Variants in ITGA6 observed in about 807,000 individuals in gnomAD.
ITGA6 encodes the protein integrin alpha-6.
In ITGA6, 63 loss-of-function variants were observed where a neutral mutation model predicts 133.6. That is an observed-to-expected ratio of 0.47 (90% CI 0.38 to 0.58). ITGA6 has a LOEUF of 0.58. ITGA6 is among the 20% of genes least tolerant of loss of function. The pLI, the probability that ITGA6 is intolerant of heterozygous loss-of-function variation, is 0.00. For missense variants in ITGA6, 1,068 were observed against 1,309.4 expected (o/e 0.82, Z 2.85); for synonymous variants, 434 against 482.0 (o/e 0.90, Z 1.30).
chr2:172,502,019 C>A, intron 25 of ITGA6, 118 bp downstream of exon 25: 1 of 893,546 alleles, frequency 1.1e-6, no homozygotes, highest in Non-Finnish European at 1.7e-6. Context: ...CAAATGTCCA[C>A]ACTGGCTTGC....
chr2:172,471,969 G>A (rs1029802343), intron 5 of ITGA6, among the ~76,000 whole-genome samples: 7 of 150,510 alleles, frequency 4.7e-5, no homozygotes, highest in East Asian at 3.9e-4. Flanking sequence ...AGTAAAAAAC[G>A]AAAAAACAGG....
At position 172,487,359 on chromosome 2, in the gene ITGA6, C is replaced by G; in HGVS notation, c.2066C>G (p.Thr689Arg). The G allele has an allele frequency of 6.2e-7, 1 of 1,614,062 alleles. No individual in the cohort carries two copies. The highest frequency in any genetic ancestry group is 1.3e-5 in the African/African-American group (1 of 75,050). The change falls in exon 15 of 26, where the codon ACA becomes AGA. Residue 689 changes from threonine to arginine, a missense_variant. Transcript: ENST00000684293. ...AGCCCTTCCAACCCAAGGAATCCCA[C>G]AAAAGATGGCGATGACGCCCATGAG... is the stretch of plus-strand genomic sequence containing the variant. The part of the protein sequence containing the change: ...TNSPSNPRNP[T>R]KDGDDAHEAK...
Position 172,504,479 on chromosome 2 carries a change from A to G in ITGA6, c.*411A>G. On this transcript the variant is annotated 3_prime_UTR_variant, in exon 26 of 26. Coordinates refer to ENST00000684293, the MANE Select transcript of ITGA6 (RefSeq NM_000210.4). ...GAATGGATTTTTCTTTAACTGCCGTAATTTAACTTTCTGGGTTGCCTTTAT... is the reference window on the plus strand; with the variant it reads ...GAATGGATTTTTCTTTAACTGCCGTGATTTAACTTTCTGGGTTGCCTTTAT... 5.1e-6 allele frequency: 2 copies of G among 390,406 alleles called. No homozygotes were observed. The highest frequency in any genetic ancestry group is 9.3e-6 in the Non-Finnish European group (2 of 215,354). The allele number at this position is 390,406 out of a possible 1,614,324, so 24.2% of individuals were successfully genotyped here. A position where few individuals can be genotyped will look rare whatever the true frequency, so the allele number is the denominator to read the frequency against.
chr2:172,490,520 C>T (rs1295844585), intron 20 of ITGA6, among the ~76,000 whole-genome samples: 2 of 152,220 alleles, frequency 1.3e-5, no homozygotes, highest in African/African-American at 4.8e-5. Flanking sequence ...TATTACTAAT[C>T]TTTGCTATAA....
At chr2:172,493,611 A>G (rs1664549832) in intron 23 of ITGA6, among the ~76,000 whole-genome samples, 1 of 152,170 alleles carries the variant, frequency 6.6e-6, no homozygotes, top group African/African-American at 2.4e-5. Context: ...ATATAATTTG[A>G]GACCCTCAAT....
At position 172,484,434 on chromosome 2, in the gene ITGA6, G is replaced by GGAGTGTTGGGTTCTTCTGCTTATCGTTA. The variant is rs1559146643; in HGVS notation, c.1550-335_1550-334insTTCTGCTTATCGTTAGAGTGTTGGGTTC. Among the ~76,000 whole-genome samples the GGAGTGTTGGGTTCTTCTGCTTATCGTTA allele has an allele frequency of 2.0e-5, 3 of 151,624 alleles. No individual in the cohort carries two copies. The East Asian group carries it at 5.8e-4, about 29-fold the overall frequency. On this transcript the variant is annotated intron_variant, in intron 11 of 25. Coordinates refer to ENST00000684293, the MANE Select transcript of ITGA6 (RefSeq NM_000210.4). ...GAGAAAATCAGTTTAGGTGCTCGGG[G>GGAGTGTTGGGTTCTTCTGCTTATCGTTA]GAGTGTTGGGTTCCTCTGCTTATCG...
At chr2:172,488,722 G>C (rs1686795061) in intron 19 of ITGA6, among the ~76,000 whole-genome samples, 1 of 152,176 alleles carries the variant, frequency 6.6e-6, no homozygotes, top group Non-Finnish European at 1.5e-5. Flanking sequence ...CTGTGTGGCT[G>C]AAATCACATT....
At position 172,473,758 on chromosome 2, in the gene ITGA6, T is replaced by C. The variant is rs6714597; in HGVS notation, c.776-297T>C. The stretch of plus-strand genomic sequence containing the variant: ...TTTTACCATAGTTCCAATATTAAAA[T>C]AGGGTGGAAATTGATTCTTAAGATG... On this transcript the variant is annotated intron_variant, in intron 5 of 25. Coordinates refer to ENST00000684293, the MANE Select transcript of ITGA6 (RefSeq NM_000210.4). 0.3 allele frequency among the ~76,000 whole-genome samples: 45,887 copies of C among 152,080 alleles called. 6,998 individuals carry two copies. The highest frequency in any genetic ancestry group is 0.33 in the African/African-American group (13,825 of 41,456).
chr2:172,491,847 C>T lies in ITGA6; in HGVS notation c.2988+324C>T, dbSNP rs1686942793. The stretch of plus-strand genomic sequence containing the variant: ...AATGCTGCAGCCATTGGTGTAATGC[C>T]CCAGTGATGGCCCATCCCTTGGCCA... On this transcript the variant is annotated intron_variant, in intron 23 of 25. Coordinates refer to ENST00000684293, the MANE Select transcript of ITGA6 (RefSeq NM_000210.4). The surrounding 1 kb of genome is among the most constrained non-coding windows in gnomAD (Gnocchi z 4.4). Among the ~76,000 whole-genome samples the T allele has an allele frequency of 6.6e-6, 1 of 152,082 alleles. No individual in the cohort carries two copies. Among genetic ancestry groups the T allele is most frequent in the Non-Finnish European group, 1.5e-5 (1 of 68,026 alleles).
chr2:172,476,417 AT>A lies in ITGA6; in HGVS notation c.1296del (p.Phe432LeufsTer28). ...PTQVLKGISP[Y>X]FGYSIAGNMD... ...CAGGTTCTCAAGGGTATATCACCTT[AT>A]TTTGGATATTCAATTGCTGGAAACA... On this transcript the variant is annotated frameshift_variant, in exon 9 of 26. Coordinates refer to ENST00000684293, the MANE Select transcript of ITGA6 (RefSeq NM_000210.4). LOFTEE classifies it high-confidence loss of function. 1 of 1,606,798 alleles carries A rather than the reference AT, an allele frequency of 6.2e-7. No homozygotes were observed. The highest frequency in any genetic ancestry group is 8.5e-7 in the Non-Finnish European group (1 of 1,173,496).
At chr2:172,466,389 T>C (rs764947758) in intron 2 of ITGA6, among the ~76,000 whole-genome samples, 1 of 152,008 alleles carries the variant, frequency 6.6e-6, no homozygotes, top group Non-Finnish European at 1.5e-5. Flanking sequence ...GGAGGCCGAG[T>C]TGGGTGGATC....
Position 172,506,083 on chromosome 2 carries a change from G to C in ITGA6, c.*2015G>C, listed in dbSNP as rs1033289577. 6.6e-5 allele frequency: 10 copies of C among 152,584 alleles called. No homozygotes were observed. The highest frequency in any genetic ancestry group is 6.5e-4 in the Admixed American group (10 of 15,280). The allele number at this position is 152,584 out of a possible 1,614,324, so 9.5% of individuals were successfully genotyped here. A position where few individuals can be genotyped will look rare whatever the true frequency, so the allele number is the denominator to read the frequency against. ...TCATCTCAAGTCAAGTCACTGGTCT[G>C]TTTGCATTTGATACATTTTTGTACT... On this transcript the variant is annotated 3_prime_UTR_variant, in exon 26 of 26. Coordinates refer to ENST00000684293, the MANE Select transcript of ITGA6 (RefSeq NM_000210.4).
chr2:172,470,905 T>C, intron 4 of ITGA6, 69 bp from the exon 5 acceptor site: 1 of 1,537,110 alleles, frequency 6.5e-7, no homozygotes, highest in South Asian at 1.1e-5. Flanking sequence ...GGGATGTTTA[T>C]TAGGAACCAT....
At chr2:172,428,574 G>T (rs2148986993) in intron 1 of ITGA6, 1 of 151,550 alleles carries the variant, frequency 6.6e-6, no homozygotes, top group East Asian at 1.9e-4. Context: ...ATGGGGGTGG[G>T]GGCGGGAATT....
chr2:172,463,076 T>C (rs1204472996), intron 1 of ITGA6, among the ~76,000 whole-genome samples: 2 of 152,222 alleles, frequency 1.3e-5, no homozygotes, highest in Non-Finnish European at 2.9e-5. Flanking sequence ...TGTGGTTTCA[T>C]GACCTCATGA....
intron 1 of ITGA6, among the ~76,000 whole-genome samples, chr2:172,441,412 C>T (rs3762621): frequency 0.14 from 21,569 of 151,744 alleles, 1,820 homozygotes; most frequent in Non-Finnish European, 0.18. Flanking sequence ...AATCTAAACT[C>T]AGGCATGGTG....
rs1463147681 is a variant in ITGA6, at chr2:172,503,971, T to A, written c.*23-120T>A. 4.5e-6 allele frequency: 3 copies of A among 663,306 alleles called. No individual in the cohort carries two copies. In the African/African-American group the frequency reaches 5.7e-5, roughly 13 times the overall value. The allele number at this position is 663,306 out of a possible 1,614,324, so 41.1% of individuals were successfully genotyped here. A position where few individuals can be genotyped will look rare whatever the true frequency, so the allele number is the denominator to read the frequency against. On this transcript the variant is annotated intron_variant, in intron 25 of 25. Transcript: ENST00000684293. ...GGTTCTTTCTTAAAAGAAAACCATG[T>A]CTTTTTCCCCTTAGTCCAGAGGTAG...
At chr2:172,493,560 T>C (rs1430427003) in intron 23 of ITGA6, among the ~76,000 whole-genome samples, 2 of 151,998 alleles carry the variant, frequency 1.3e-5, no homozygotes, top group African/African-American at 4.8e-5. Flanking sequence ...GGGTAAACAT[T>C]GTACTCATTT....
chr2:172,464,587 A>G (rs1559132357), intron 1 of ITGA6: 1 of 152,240 alleles, frequency 6.6e-6, no homozygotes, highest in South Asian at 2.1e-4. Context: ...GATGGTGAGT[A>G]AAGGTGTTAG....
Sources: allele counts gnomAD v4.1 joint callset (sites outside exome capture counted in the v4.1 genomes callset), GRCh38; gene constraint gnomAD v4.1.1; non-coding constraint Gnocchi (gnomAD v3.1); transcripts MANE v1.5; gene names NCBI Gene and HGNC (gene_info 2026-07-23, HGNC 2026-07-21).